The following ALMS1 variants were observed in gnomAD, a reference collection of about 807,000 sequenced individuals.
ALMS1 encodes the protein centrosome-associated protein ALMS1.
A neutral mutation model predicts 352.2 loss-of-function variants in ALMS1; 271 were observed. That is an observed-to-expected ratio of 0.77 (90% CI 0.70 to 0.85). ALMS1 has a LOEUF of 0.85. ALMS1 is among the 40% of genes least tolerant of loss of function. The pLI is 0.00. For synonymous variants in ALMS1, 1,865 were observed against 1,761.2 expected, an observed-to-expected ratio of 1.06 and a Z score of -1.48; for missense variants, 5,445 against 4,870.7, an observed-to-expected ratio of 1.12 and a Z score of -3.51.
chr2:73,507,768 C>G (rs528349904), intron 10 of ALMS1, among the ~76,000 whole-genome samples: 2 of 152,210 alleles, frequency 1.3e-5, no homozygotes, highest in South Asian at 4.1e-4. Context: ...TTTCGTGTCT[C>G]TATTTCCTTC....
In ALMS1 at chr2:73,493,175, A is replaced by G. The variant is rs568990511; in HGVS notation, c.9539+1677A>G. On this transcript the variant is annotated intron_variant, in intron 10 of 22. Coordinates refer to ENST00000613296, the MANE Select transcript of ALMS1 (RefSeq NM_001378454.1). ...GGGTGTACGTTTGTAGTGGATGCTT[A>G]TATTATACTTAGTGTAATAATCAGA... 1.5e-4 allele frequency among the ~76,000 whole-genome samples: 23 copies of G among 152,166 alleles called. No individual in the cohort carries two copies. In the South Asian group the frequency reaches 1.7e-3, roughly 11 times the overall value.
chr2:73,572,655 A>G lies in ALMS1; in HGVS notation c.10778A>G (p.Gln3593Arg), dbSNP rs779373684. Residue 3593 changes from glutamine (Q) to arginine (R), a missense_variant, in exon 16 of 23, where the codon CAG (glutamine) becomes CGG (arginine). Gln to Arg is a conservative substitution (Grantham distance 43). Coordinates refer to ENST00000613296, the MANE Select transcript of ALMS1 (RefSeq NM_001378454.1). ...AAGGTCACCCCAGAGCAAACAACTC[A>G]GCACACTGTGAGTTTGAATGAACTG... ...DQKVTPEQTT[Q>R]HTVSLNELWN... The G allele has an allele frequency of 7.4e-6, 12 of 1,613,988 alleles. No individual in the cohort carries two copies. Among genetic ancestry groups the G allele is most frequent in the Non-Finnish European group, 1.0e-5 (12 of 1,179,990 alleles).
chr2:73,487,849 G>A (rs1039514883), intron 9 of ALMS1, among the ~76,000 whole-genome samples: 27 of 152,090 alleles, frequency 1.8e-4, no homozygotes, highest in African/African-American at 6.5e-4. Flanking sequence ...AGAGTGGGTA[G>A]CTCCTACCTG....
At chr2:73,465,839 C>G (rs1672328340) in intron 9 of ALMS1, among the ~76,000 whole-genome samples, 1 of 152,212 alleles carries the variant, frequency 6.6e-6, no homozygotes, top group Non-Finnish European at 1.5e-5. Flanking sequence ...TGAACAGACA[C>G]TTCTCAAAAG....
intron 9 of ALMS1, among the ~76,000 whole-genome samples, chr2:73,489,190 A>G (rs1442428449): frequency 6.6e-6 from 1 of 152,232 alleles, no homozygotes; most frequent in Non-Finnish European, 1.5e-5. Context: ...TTTTAAGGAC[A>G]GGAAGCAGAA....
chr2:73,489,619 G>T lies in ALMS1; in HGVS notation c.7675-15G>T. On this transcript the variant is annotated splice_polypyrimidine_tract_variant and intron_variant, in intron 9 of 22. Transcript: ENST00000613296. ...GACTACTTCAAATAAGAACCTGTTT[G>T]TTTGTATCTTCTAGGGTTTACAGAG... 1.2e-6 allele frequency: 2 copies of T among 1,613,990 alleles called. No individual in the cohort carries two copies. The highest frequency in any genetic ancestry group is 1.7e-6 in the Non-Finnish European group (2 of 1,179,964).
intron 6 of ALMS1, among the ~76,000 whole-genome samples, chr2:73,427,080 G>C (rs767206671): frequency 2.6e-5 from 4 of 152,158 alleles, no homozygotes; most frequent in Non-Finnish European, 5.9e-5. Context: ...TATTGAGGCA[G>C]CCTAACTCTT....
intron 1 of ALMS1, 44 bp downstream of exon 1, chr2:73,386,236 G>T (rs1180426640): frequency 6.8e-7 from 1 of 1,463,816 alleles, no homozygotes; most frequent in Non-Finnish European, 9.0e-7. Context: ...GCGAGTTGGG[G>T]GTGGAGGCTG....
At chr2:73,432,833 A>T (rs1174720539) in intron 7 of ALMS1, among the ~76,000 whole-genome samples, 1 of 152,204 alleles carries the variant, frequency 6.6e-6, no homozygotes, top group Non-Finnish European at 1.5e-5. Flanking sequence ...TTGGTTTTTC[A>T]TCGCATTCTA....
chr2:73,439,517 G>C (rs7585004), intron 7 of ALMS1, among the ~76,000 whole-genome samples: 58,674 of 151,928 alleles, frequency 0.39, 15,852 homozygotes, highest in African/African-American at 0.77. Context: ...AAAAAATCCT[G>C]TCTGCTAATA....
At chr2:73,504,161 C>T (rs963771718) in intron 10 of ALMS1, among the ~76,000 whole-genome samples, 4 of 152,130 alleles carry the variant, frequency 2.6e-5, no homozygotes, top group African/African-American at 9.7e-5. Context: ...TGATAATGTC[C>T]TTACATAACT....
intron 9 of ALMS1, among the ~76,000 whole-genome samples, chr2:73,471,271 G>A (rs1255613184): frequency 1.4e-5 from 2 of 146,646 alleles, no homozygotes; most frequent in African/African-American, 5.0e-5. Context: ...TTTCTTTGTG[G>A]TTACCAAAGT....
At chr2:73,484,660 T>G (rs1043219312) in intron 9 of ALMS1, among the ~76,000 whole-genome samples, 1 of 152,062 alleles carries the variant, frequency 6.6e-6, no homozygotes, top group Non-Finnish European at 1.5e-5. Flanking sequence ...GATAATATCC[T>G]GCAGAGTGTT....
At chr2:73,464,212 C>T (rs1425426360) in intron 9 of ALMS1, among the ~76,000 whole-genome samples, 2 of 152,180 alleles carry the variant, frequency 1.3e-5, no homozygotes, top group Non-Finnish European at 2.9e-5. Context: ...TACTGGCAAA[C>T]TGAATCCAGC....
intron 10 of ALMS1, among the ~76,000 whole-genome samples, chr2:73,493,976 C>T (rs915654765): frequency 9.2e-5 from 14 of 152,276 alleles, no homozygotes; most frequent in African/African-American, 2.6e-4. Flanking sequence ...TGTCTCAGAA[C>T]GTTGCAAACA....
intron 19 of ALMS1, 110 bp downstream of exon 19, chr2:73,601,546 C>A: frequency 6.7e-7 from 1 of 1,497,554 alleles, no homozygotes; most frequent in Non-Finnish European, 9.1e-7. Flanking sequence ...CTGAGACGCT[C>A]TTTTCCAGCA....
At chr2:73,592,339 G>A (rs1345576271) in intron 16 of ALMS1, among the ~76,000 whole-genome samples, 1 of 152,184 alleles carries the variant, frequency 6.6e-6, no homozygotes, top group Non-Finnish European at 1.5e-5. Context: ...TTAAATGTAT[G>A]TCACAGCATT....
intron 9 of ALMS1, among the ~76,000 whole-genome samples, chr2:73,483,313 C>G (rs1186910456): frequency 6.6e-6 from 1 of 151,260 alleles, no homozygotes; most frequent in Non-Finnish European, 1.5e-5. Flanking sequence ...TTTATTTGTG[C>G]CTTCATTTCG....
chr2:73,482,863 C>T (rs1672742036), intron 9 of ALMS1, among the ~76,000 whole-genome samples: 1 of 152,040 alleles, frequency 6.6e-6, no homozygotes, highest in East Asian at 1.9e-4. Flanking sequence ...AGTTTATTTG[C>T]ATAGAGGTGT....
Sources: allele counts gnomAD v4.1 joint callset (sites outside exome capture counted in the v4.1 genomes callset), GRCh38; gene constraint gnomAD v4.1.1; transcripts MANE v1.5; gene names NCBI Gene and HGNC (gene_info 2026-07-23, HGNC 2026-07-21).